GRM7: variants seen among roughly 807,000 people sequenced by gnomAD.
GRM7 encodes metabotropic glutamate receptor 7.
A neutral mutation model predicts 84.5 loss-of-function variants in GRM7; 35 were observed. The observed-to-expected ratio is 0.41, with a 90% CI of 0.32 to 0.55. The LOEUF (loss-of-function observed/expected upper bound fraction) is 0.55. GRM7 is among the 20% of genes least tolerant of loss of function. The pLI is 0.19. For synonymous variants in GRM7, 487 were observed against 455.1 expected (o/e 1.07, Z -0.89); for missense variants, 1,003 against 1,194.6 (o/e 0.84, Z 2.36).
intron 1 of GRM7, among the ~76,000 whole-genome samples, chr3:7,114,816 A>G (rs937918989): frequency 3.3e-5 from 5 of 152,094 alleles, no homozygotes; most frequent in African/African-American, 4.8e-5. Flanking sequence ...TCCAGTTTCT[A>G]ATGACCAGTT....
intron 7 of GRM7, among the ~76,000 whole-genome samples, chr3:7,529,352 T>A (rs769132224): frequency 2.0e-4 from 31 of 152,096 alleles, no homozygotes; most frequent in Non-Finnish European, 3.7e-4. Context: ...AAGAGGCACT[T>A]TGGAATGAAA....
intron 1 of GRM7, among the ~76,000 whole-genome samples, chr3:6,990,949 G>A (rs1694612812): frequency 6.6e-6 from 1 of 152,104 alleles, no homozygotes; most frequent in Non-Finnish European, 1.5e-5. Flanking sequence ...GGAGCCTATA[G>A]TCCCAGCGCT....
intron 7 of GRM7, among the ~76,000 whole-genome samples, chr3:7,463,210 G>C (rs1380654952): frequency 6.6e-6 from 1 of 152,110 alleles, no homozygotes; most frequent in East Asian, 1.9e-4. Context: ...ATCTTTTCCA[G>C]CATAAACCCT....
chr3:7,677,406 T>C (rs162807), intron 8 of GRM7, among the ~76,000 whole-genome samples: 68,441 of 151,874 alleles, frequency 0.45, 15,924 homozygotes, highest in Non-Finnish European at 0.51. Context: ...ATTTTTATGC[T>C]CATTTTGCAG....
At chr3:7,465,232 C>T (rs1222564536) in intron 7 of GRM7, among the ~76,000 whole-genome samples, 1 of 151,968 alleles carries the variant, frequency 6.6e-6, no homozygotes, top group African/African-American at 2.4e-5. Context: ...CAGGTGGATG[C>T]AGTAGTTTAT....
chr3:7,353,265 TTC>T (rs1389200434), intron 4 of GRM7, among the ~76,000 whole-genome samples: 9 of 152,218 alleles, frequency 5.9e-5, no homozygotes, highest in South Asian at 2.1e-4. Flanking sequence ...TACTTGATTT[TTC>T]TAATTTATAC....
At chr3:7,285,622 A>G (rs190386702) in intron 2 of GRM7, among the ~76,000 whole-genome samples, 4 of 152,220 alleles carry the variant, frequency 2.6e-5, no homozygotes, top group Admixed American at 2.0e-4. Context: ...CTCAACATCC[A>G]TAGAAACTCT....
intron 1 of GRM7, among the ~76,000 whole-genome samples, chr3:7,108,265 T>G (rs1692723206): frequency 6.6e-6 from 1 of 152,044 alleles, no homozygotes; most frequent in South Asian, 2.1e-4. Context: ...CTGTGTTAGG[T>G]TCTGTCTGAT....
intron 1 of GRM7, among the ~76,000 whole-genome samples, chr3:6,864,507 AG>A (rs1427904152): frequency 6.6e-5 from 10 of 152,284 alleles, no homozygotes; most frequent in African/African-American, 2.4e-4. Flanking sequence ...GGAGAGAAAA[AG>A]GATATAGTGA....
In GRM7 at chr3:6,993,656, T is replaced by A. The variant is rs192658477; in HGVS notation, c.519+131749T>A. Among the ~76,000 whole-genome samples, 3 of 152,328 alleles carry A rather than the reference T, an allele frequency of 2.0e-5. No homozygotes were observed. In the East Asian group the frequency reaches 5.8e-4, roughly 29 times the overall value. ...AGCCTGGAGGTGGTAGAGACTCTATTCAGAGAAGCCAGTTAGGAGCATATT... is the reference window on the plus strand; with the variant it reads ...AGCCTGGAGGTGGTAGAGACTCTATACAGAGAAGCCAGTTAGGAGCATATT... On this transcript the variant is annotated intron_variant, in intron 1 of 9. Coordinates refer to ENST00000357716, the MANE Select transcript of GRM7 (RefSeq NM_000844.4).
intron 1 of GRM7, among the ~76,000 whole-genome samples, chr3:7,023,088 G>A (rs553256881): frequency 2.0e-5 from 3 of 152,084 alleles, no homozygotes; most frequent in African/African-American, 2.4e-5. Flanking sequence ...TGGTGGAGTC[G>A]CACAGGAACA....
At chr3:7,591,201 C>T (rs1172700272) in intron 8 of GRM7, among the ~76,000 whole-genome samples, 1 of 152,116 alleles carries the variant, frequency 6.6e-6, no homozygotes, top group African/African-American at 2.4e-5. Flanking sequence ...GCAGACAAAG[C>T]TAATAGTCAA....
At chr3:7,247,213 G>A (rs1697797556) in intron 2 of GRM7, among the ~76,000 whole-genome samples, 1 of 152,022 alleles carries the variant, frequency 6.6e-6, no homozygotes. Context: ...AAATACATGA[G>A]AATATATTCA....
At chr3:7,563,498 T>A (rs1398260259) in intron 7 of GRM7, among the ~76,000 whole-genome samples, 1 of 151,990 alleles carries the variant, frequency 6.6e-6, no homozygotes, top group Non-Finnish European at 1.5e-5. Flanking sequence ...TGCTAAGAGA[T>A]TTCAAACAAG....
intron 4 of GRM7, among the ~76,000 whole-genome samples, chr3:7,331,022 T>G (rs1359578486): frequency 6.6e-6 from 1 of 152,202 alleles, no homozygotes; most frequent in African/African-American, 2.4e-5. Context: ...CTTACTTACC[T>G]TGTTGATTTT....
chr3:7,600,015 TGA>T (rs1034714633), intron 8 of GRM7, among the ~76,000 whole-genome samples: 2 of 152,124 alleles, frequency 1.3e-5, no homozygotes, highest in African/African-American at 2.4e-5. Flanking sequence ...GCAAAATATC[TGA>T]GAGACTGAAG....
At chr3:7,302,207 A>T (rs918889312) in intron 3 of GRM7, among the ~76,000 whole-genome samples, 21 of 152,144 alleles carry the variant, frequency 1.4e-4, no homozygotes, top group African/African-American at 5.1e-4. Context: ...CTTCTATAAA[A>T]CCTGCAATTC....
At chr3:7,345,469 C>T (rs920654480) in intron 4 of GRM7, among the ~76,000 whole-genome samples, 3 of 151,542 alleles carry the variant, frequency 2.0e-5, no homozygotes, top group East Asian at 1.9e-4. Flanking sequence ...TTTTTAGTAA[C>T]GACGGGGTTT....
At chr3:7,034,650 G>C (rs1696316965) in intron 1 of GRM7, among the ~76,000 whole-genome samples, 2 of 152,024 alleles carry the variant, frequency 1.3e-5, no homozygotes, top group Non-Finnish European at 2.9e-5. Flanking sequence ...TTTTTTCTCA[G>C]CTTTGGCAAG....
Sources: gnomAD v4.1 joint callset for allele counts (sites outside exome capture counted in the v4.1 genomes callset) on GRCh38, gnomAD v4.1.1 for gene constraint, MANE v1.5 for transcripts, NCBI Gene and HGNC (gene_info 2026-07-23, HGNC 2026-07-21) for gene names.